TGM2: variants seen among roughly 807,000 people sequenced by gnomAD.
TGM2 encodes the protein protein-glutamine gamma-glutamyltransferase 2.
Under a neutral mutation model 75.6 loss-of-function variants are expected in TGM2, and 53 were observed. The ratio of observed to expected loss-of-function variants is 0.70; its 90% CI spans 0.56 to 0.88. The LOEUF (loss-of-function observed/expected upper bound fraction) is 0.88. TGM2 is among the 40% of genes least tolerant of loss of function. TGM2 has a pLI of 0.00. For missense variants in TGM2, 842 were observed against 928.5 expected (o/e 0.91, Z 1.21); for synonymous variants, 374 against 381.1 (o/e 0.98, Z 0.22).
At chr20:38,149,678 C>CAAAAAAAAAAAAAAAAAAAAA (rs1199376180) in intron 4 of TGM2, among the ~76,000 whole-genome samples, 17 of 40,442 alleles carry the variant, frequency 4.2e-4, no homozygotes, top group Non-Finnish European at 4.4e-4. Flanking sequence ...GACTCCGCCT[C>CAAAAAAAAAAAAAAAAAAAAA]AAAAAAAAAA....
At chr20:38,135,803 C>T (rs1171672343) in intron 10 of TGM2, among the ~76,000 whole-genome samples, 1 of 152,142 alleles carries the variant, frequency 6.6e-6, no homozygotes, top group African/African-American at 2.4e-5. Context: ...TCTTAGCACT[C>T]GCACTCAGGG....
intron 4 of TGM2, among the ~76,000 whole-genome samples, chr20:38,149,036 T>C (rs1186617346): frequency 6.6e-6 from 1 of 152,228 alleles, no homozygotes; most frequent in Non-Finnish European, 1.5e-5. Context: ...TTCCACAAAC[T>C]GGACACTGCT....
At position 38,157,939 on chromosome 20, in the gene TGM2, G is replaced by A. The variant is rs538081731; in HGVS notation, c.191-1850C>T. Among the ~76,000 whole-genome samples, 5 of 152,344 alleles carry A rather than the reference G, an allele frequency of 3.3e-5. No homozygotes were observed. The East Asian group carries it at 9.6e-4, about 29-fold the overall frequency. ...AGGACTGGAGTGGAATGTAGAAATT[G>A]TCTAGTTCGATTGAAGAACTTCACA... On this transcript the variant is annotated intron_variant, in intron 2 of 12. Coordinates refer to ENST00000361475, the MANE Select transcript of TGM2 (RefSeq NM_004613.4).
At chr20:38,167,176 G>A (rs77700075), upstream of TGM2, among the ~76,000 whole-genome samples, 3,661 of 152,216 alleles carry the variant, frequency 0.024, 143 homozygotes, top group African/African-American at 0.082. Flanking sequence ...GGACCTCAAG[G>A]AGAGACGGGA....
chr20:38,165,057 A>G, intron 1 of TGM2, 132 bp downstream of exon 1: 1 of 1,318,418 alleles, frequency 7.6e-7, no homozygotes, highest in Non-Finnish European at 1.1e-6. Flanking sequence ...AGCAGCATTG[A>G]GACGCCTCCT....
upstream of TGM2, among the ~76,000 whole-genome samples, chr20:38,167,853 C>A (rs1011795152): frequency 2.0e-5 from 3 of 152,142 alleles, no homozygotes; most frequent in Non-Finnish European, 1.5e-5. Context: ...TAAATTTTGG[C>A]CTCCTCACTG....
intron 6 of TGM2, among the ~76,000 whole-genome samples, chr20:38,144,021 A>G (rs1400970292): frequency 6.6e-6 from 1 of 152,188 alleles, no homozygotes; most frequent in Non-Finnish European, 1.5e-5. Context: ...GGCTGCCCTC[A>G]GTGAAGGCTG....
At chr20:38,153,112 T>A (rs2075134113) in intron 3 of TGM2, among the ~76,000 whole-genome samples, 1 of 151,570 alleles carries the variant, frequency 6.6e-6, no homozygotes, top group Admixed American at 6.6e-5. Context: ...GAAGCAAGGG[T>A]GCTCGTTGAC....
At chr20:38,165,430 G>T (rs1437766300), upstream of TGM2, 9 of 604,988 alleles carry the variant, frequency 1.5e-5, no homozygotes, top group East Asian at 2.7e-4. Context: ...CCGAGGGAGG[G>T]ACGGCGGCCG....
At chr20:38,158,607 A>G (rs2075216159) in intron 2 of TGM2, among the ~76,000 whole-genome samples, 1 of 152,132 alleles carries the variant, frequency 6.6e-6, no homozygotes, top group African/African-American at 2.4e-5. Context: ...CCTTGGAGGG[A>G]ACTTTATCCC....
At chr20:38,153,827 CT>C (rs1055601879) in intron 3 of TGM2, among the ~76,000 whole-genome samples, 8 of 152,036 alleles carry the variant, frequency 5.3e-5, no homozygotes, top group Non-Finnish European at 1.0e-4. Flanking sequence ...CTTCTCTCCC[CT>C]TTTTTGGAGA....
At chr20:38,145,168 C>T (rs1007149739) in intron 6 of TGM2, among the ~76,000 whole-genome samples, 2 of 152,102 alleles carry the variant, frequency 1.3e-5, no homozygotes, top group African/African-American at 2.4e-5. Flanking sequence ...CAAGGACAGC[C>T]GAGCTGAGAA....
At chr20:38,131,752 G>A (rs548216599) in intron 11 of TGM2, among the ~76,000 whole-genome samples, 31 of 152,176 alleles carry the variant, frequency 2.0e-4, no homozygotes, top group African/African-American at 7.0e-4. Flanking sequence ...TGTGGGCTGC[G>A]GCTCCTCTAA....
At position 38,148,002 on chromosome 20, in the gene TGM2, G is replaced by A. The variant is rs770899483; in HGVS notation, c.640C>T (p.Arg214Cys). ...CGGCCCACGTAGACGGGGCTGCTGCGGCGGGAGCAGTCACGGCCGGCGTTC... is the reference window on the plus strand; with the variant it reads ...CGGCCCACGTAGACGGGGCTGCTGCAGCGGGAGCAGTCACGGCCGGCGTTC... Reference protein sequence around the residue: ...LKNAGRDCSRRSSPVYVGRVV... With the variant: ...LKNAGRDCSRCSSPVYVGRVV... The change falls in exon 5 of 13, where the codon CGC becomes TGC. Residue 214 changes from arginine to cysteine, a missense_variant. Physicochemically the swap from Arg to Cys is radical, Grantham distance 180. Coordinates refer to ENST00000361475, the MANE Select transcript of TGM2 (RefSeq NM_004613.4). The A allele has an allele frequency of 5.6e-6, 9 of 1,604,782 alleles. No individual in the cohort carries two copies. The highest frequency in any genetic ancestry group is 2.2e-5 in the East Asian group (1 of 44,602).
intron 1 of TGM2, among the ~76,000 whole-genome samples, chr20:38,162,229 T>C (rs1440492100): frequency 5.9e-5 from 9 of 152,172 alleles, no homozygotes; most frequent in Admixed American, 5.9e-4. Context: ...GAGCAAGAAA[T>C]GAATTAATGC....
intron 9 of TGM2, 88 bp from the exon 10 acceptor site, chr20:38,138,473 C>A: frequency 6.2e-7 from 1 of 1,604,796 alleles, no homozygotes; most frequent in Non-Finnish European, 8.5e-7. Context: ...TTCGCAGAGG[C>A]CTGATGACTC....
intron 2 of TGM2, among the ~76,000 whole-genome samples, chr20:38,158,672 C>T (rs993710665): frequency 3.3e-5 from 5 of 152,168 alleles, no homozygotes; most frequent in Admixed American, 6.5e-5. Flanking sequence ...CGGAGTCTGT[C>T]GGGTCTCAAA....
chr20:38,148,513 G>A (rs918705543), intron 4 of TGM2, among the ~76,000 whole-genome samples: 3 of 151,836 alleles, frequency 2.0e-5, no homozygotes, highest in African/African-American at 4.8e-5. Flanking sequence ...CAGCCCCCTC[G>A]TCCCCCTCCA....
At chr20:38,164,102 G>A (rs1173598376) in intron 1 of TGM2, among the ~76,000 whole-genome samples, 1 of 152,192 alleles carries the variant, frequency 6.6e-6, no homozygotes, top group South Asian at 2.1e-4. Flanking sequence ...CAGCCCCACT[G>A]AGCCCTGCTT....
Sources: gnomAD v4.1 joint callset for allele counts (sites outside exome capture counted in the v4.1 genomes callset) on GRCh38, gnomAD v4.1.1 for gene constraint, MANE v1.5 for transcripts, NCBI Gene and HGNC (gene_info 2026-07-23, HGNC 2026-07-21) for gene names.